TDRD1: variants seen among roughly 807,000 people sequenced by gnomAD.
The protein encoded by TDRD1 is tudor domain containing 1.
Under a neutral mutation model 140.6 loss-of-function variants are expected in TDRD1, and 37 were observed. The observed-to-expected ratio is 0.26, with a 90% CI of 0.20 to 0.35. The LOEUF (loss-of-function observed/expected upper bound fraction) is 0.35, where lower values mean the gene tolerates loss of function less well. Among genes scored for constraint, TDRD1 ranks in the 10% least tolerant of loss-of-function variants. The pLI is 1.00. For synonymous variants in TDRD1, 506 were observed against 475.7 expected (o/e 1.06, Z -0.83); for missense variants, 1,243 against 1,393.0 (o/e 0.89, Z 1.71).
chr10:114,204,677 T>A (rs751129826), intron 9 of TDRD1, 45 bp from the exon 10 acceptor site: 2 of 1,548,922 alleles, frequency 1.3e-6, no homozygotes, highest in Admixed American at 4.4e-5. Context: ...AAAAAATCAT[T>A]TTTAAATGGT....
chr10:114,231,333 GT>G (rs1234839224), intron 25 of TDRD1, among the ~76,000 whole-genome samples: 1 of 152,130 alleles, frequency 6.6e-6, no homozygotes, highest in African/African-American at 2.4e-5. Context: ...CTATGTTATG[GT>G]GGTCATTAAT....
At chr10:114,215,012 G>T (rs1322567144) in intron 16 of TDRD1, among the ~76,000 whole-genome samples, 7 of 152,130 alleles carry the variant, frequency 4.6e-5, no homozygotes, top group Non-Finnish European at 8.8e-5. Context: ...AAAGTGCTGG[G>T]ATTACAGGTG....
In TDRD1 at chr10:114,214,149, A is replaced by C. The variant is rs759893318; in HGVS notation, c.2212+35A>C. The C allele has an allele frequency of 2.5e-6, 4 of 1,596,774 alleles. No homozygotes were observed. In the South Asian group the frequency reaches 3.3e-5, roughly 13 times the overall value. On this transcript the variant is annotated intron_variant, in intron 16 of 25. Transcript: ENST00000251864. ...TTCTTGTCATTTGTTTCTTTTTACA[A>C]ATACATTGGCATAGATAATAACTTC...
At chr10:114,187,000 C>T (rs2033585282) in intron 1 of TDRD1, among the ~76,000 whole-genome samples, 1 of 152,142 alleles carries the variant, frequency 6.6e-6, no homozygotes, top group Non-Finnish European at 1.5e-5. Flanking sequence ...GCAAAGCTAT[C>T]AGTCACTACT....
chr10:114,211,513 T>G (rs2035483926), intron 13 of TDRD1, among the ~76,000 whole-genome samples: 1 of 152,248 alleles, frequency 6.6e-6, no homozygotes, highest in South Asian at 2.1e-4. Context: ...TGACTCATGC[T>G]TGCCAGGTGT....
chr10:114,214,873 G>A (rs2035712997), intron 16 of TDRD1, among the ~76,000 whole-genome samples: 1 of 151,946 alleles, frequency 6.6e-6, no homozygotes, highest in Non-Finnish European at 1.5e-5. Context: ...GAGTAGCTGG[G>A]ACTATAGGCA....
At chr10:114,181,033 C>A (rs1018305213) in intron 1 of TDRD1, among the ~76,000 whole-genome samples, 1 of 152,166 alleles carries the variant, frequency 6.6e-6, no homozygotes, top group Non-Finnish European at 1.5e-5. Context: ...CCTTAGGGAG[C>A]TTCAGGACTT....
At position 114,210,577 on chromosome 10, in the gene TDRD1, TA is replaced by T; in HGVS notation, c.1385-2del. ...GGCTTATTTTTCTGTTTTCTTCTGA[TA>T]AGGTGATCCTGAAGATGTTGGAAAA... On this transcript the variant is annotated splice_polypyrimidine_tract_variant and splice_region_variant and intron_variant, in intron 11 of 25. Transcript: ENST00000251864. 1 of 1,576,844 alleles carries T rather than the reference TA, an allele frequency of 6.3e-7. No homozygotes were observed. The highest frequency in any genetic ancestry group is 1.7e-4 in the Middle Eastern group (1 of 5,844).
At chr10:114,215,291 C>A (rs1012204800) in intron 16 of TDRD1, among the ~76,000 whole-genome samples, 2 of 152,108 alleles carry the variant, frequency 1.3e-5, no homozygotes, top group African/African-American at 2.4e-5. Context: ...AATTGTATTG[C>A]AGTTTCTTTC....
chr10:114,213,341 G>C lies in TDRD1; in HGVS notation c.1832-5G>C, dbSNP rs960407900. ...TTGTAACATTCATTCAAAATTCTTT[G>C]TTAGGAGTAAAGCCATCATTAGGAA... On this transcript the variant is annotated splice_region_variant and splice_polypyrimidine_tract_variant and intron_variant, in intron 14 of 25. Coordinates refer to ENST00000251864, the Ensembl canonical transcript of TDRD1. The C allele has an allele frequency of 1.9e-6, 3 of 1,602,792 alleles. No individual in the cohort carries two copies. The African/African-American group carries it at 4.0e-5, about 22-fold the overall frequency.
At position 114,192,563 on chromosome 10, in the gene TDRD1, C is replaced by T. The variant is rs570950099; in HGVS notation, c.384+1544C>T. 4.6e-5 allele frequency among the ~76,000 whole-genome samples: 7 copies of T among 152,124 alleles called. No homozygotes were observed. The South Asian group carries it at 8.3e-4, about 18-fold the overall frequency. ...CCTCATGATCCGCCTGCCTCGGCCTCGCAAAGTGCTAGGATTACAGGCGTG... is the reference window on the plus strand; with the variant it reads ...CCTCATGATCCGCCTGCCTCGGCCTTGCAAAGTGCTAGGATTACAGGCGTG... On this transcript the variant is annotated intron_variant, in intron 3 of 25. Coordinates refer to ENST00000251864, the Ensembl canonical transcript of TDRD1.
intron 1 of TDRD1, among the ~76,000 whole-genome samples, chr10:114,182,499 T>C (rs1166697062): frequency 6.6e-6 from 1 of 152,212 alleles, no homozygotes; most frequent in Non-Finnish European, 1.5e-5. Flanking sequence ...TTACTAATTT[T>C]TGGATTTTGG....
intron 16 of TDRD1, among the ~76,000 whole-genome samples, chr10:114,215,104 G>A (rs2035729724): frequency 6.6e-6 from 1 of 152,050 alleles, no homozygotes. Flanking sequence ...AGTTCTTCCT[G>A]GTTTTGAACT....
chr10:114,205,988 C>G (rs2035074723), intron 10 of TDRD1, among the ~76,000 whole-genome samples: 1 of 152,100 alleles, frequency 6.6e-6, no homozygotes, highest in African/African-American at 2.4e-5. Flanking sequence ...TGTACACCTA[C>G]TATGTACTCA....
intron 1 of TDRD1, among the ~76,000 whole-genome samples, chr10:114,182,492 C>T (rs973475547): frequency 1.3e-5 from 2 of 152,106 alleles, no homozygotes; most frequent in Non-Finnish European, 2.9e-5. Context: ...AATATATTTA[C>T]TAATTTTTGG....
At chr10:114,225,792 G>A (rs1461464187) in intron 21 of TDRD1, among the ~76,000 whole-genome samples, 2 of 151,752 alleles carry the variant, frequency 1.3e-5, no homozygotes, top group Non-Finnish European at 2.9e-5. Context: ...GGGAGGTGGA[G>A]GTTGCAGCGA....
At chr10:114,228,195 G>T in intron 25 of TDRD1, 2 of 1,490,654 alleles carry the variant, frequency 1.3e-6, no homozygotes, top group Non-Finnish European at 1.8e-6. Context: ...AGGCATATTG[G>T]CAGGATAGAG....
chr10:114,200,398 G>A (rs916220110), intron 4 of TDRD1, among the ~76,000 whole-genome samples: 9 of 151,974 alleles, frequency 5.9e-5, no homozygotes, highest in African/African-American at 2.2e-4. Flanking sequence ...TTGTTTTTTA[G>A]ATAACCTGTT....
At chr10:114,217,740 C>G in intron 17 of TDRD1, 85 bp downstream of exon 17, 1 of 677,102 alleles carries the variant, frequency 1.5e-6, no homozygotes, top group Non-Finnish European at 2.6e-6. Context: ...TTTCTTAATG[C>G]TTAAGCAAAC....
Sources: gnomAD v4.1 joint callset for allele counts (sites outside exome capture counted in the v4.1 genomes callset) on GRCh38, gnomAD v4.1.1 for gene constraint, MANE v1.5 for transcripts, NCBI Gene and HGNC (gene_info 2026-07-23, HGNC 2026-07-21) for gene names.